The following HMGCLL1 variants were observed in gnomAD, a reference collection of about 807,000 sequenced individuals.
HMGCLL1 encodes 3-hydroxymethyl-3-methylglutaryl-CoA lyase, cytoplasmic.
HMGCLL1 carries 36 observed loss-of-function variants against 39.1 expected under a neutral mutation model. The observed-to-expected ratio is 0.92, with a 90% confidence interval of 0.71 to 1.22. The LOEUF (loss-of-function observed/expected upper bound fraction) is 1.22, where lower values mean the gene tolerates loss of function less well. Among genes scored for constraint, HMGCLL1 ranks in the 50% most tolerant of loss-of-function variants. HMGCLL1 has a pLI of 0.00. For synonymous variants in HMGCLL1, 149 were observed against 144.0 expected (o/e 1.03, Z -0.25); for missense variants, 451 against 416.5 (o/e 1.08, Z -0.72).
the HMGCLL1 span, among the ~76,000 whole-genome samples, chr6:55,670,913 C>T: frequency 6.6e-6 from 1 of 151,486 alleles, no homozygotes; most frequent in Non-Finnish European, 1.5e-5. Flanking sequence ...CATGACCCAA[C>T]CAAACTCACT....
intron 3 of HMGCLL1, among the ~76,000 whole-genome samples, chr6:55,518,210 A>C (rs918950739): frequency 1.1e-4 from 16 of 152,182 alleles, no homozygotes; most frequent in Middle Eastern, 3.4e-3. Context: ...TTAGTAGTAT[A>C]GTTGGGGAGA....
At chr6:55,480,159 AG>A (rs1765661361) in intron 7 of HMGCLL1, among the ~76,000 whole-genome samples, 1 of 151,640 alleles carries the variant, frequency 6.6e-6, no homozygotes, top group Admixed American at 6.6e-5. Context: ...CTGCTTAAAA[AG>A]CTTCTGCATA....
intron 5 of HMGCLL1, among the ~76,000 whole-genome samples, chr6:55,503,262 G>A (rs1039990672): frequency 4.0e-5 from 6 of 151,748 alleles, no homozygotes; most frequent in Non-Finnish European, 7.4e-5. Context: ...AAAATAGCTG[G>A]CATGGATCTC....
At chr6:55,440,459 C>T (rs1025633431) in intron 7 of HMGCLL1, among the ~76,000 whole-genome samples, 2 of 152,012 alleles carry the variant, frequency 1.3e-5, no homozygotes, top group African/African-American at 2.4e-5. Flanking sequence ...TGGAAGAGCT[C>T]TCTGTGTACC....
At chr6:55,547,817 T>C (rs1561954605) in intron 1 of HMGCLL1, among the ~76,000 whole-genome samples, 1 of 152,092 alleles carries the variant, frequency 6.6e-6, no homozygotes, top group Non-Finnish European at 1.5e-5. Context: ...TTCTGCTATT[T>C]ATTGCTTTTT....
At chr6:55,573,322 G>T (rs1561970815) in intron 1 of HMGCLL1, among the ~76,000 whole-genome samples, 1 of 152,050 alleles carries the variant, frequency 6.6e-6, no homozygotes, top group African/African-American at 2.4e-5. Flanking sequence ...TTCATACCAG[G>T]TGTCTAACAT....
rs560399736 is a variant in HMGCLL1, at chr6:55,482,018, A to C, written c.795+13401T>G. ...TGAACACACAAATTTCCTAAAAAAA[A>C]CAGTGCTTTTATTTCCACTTCTTCA... On this transcript the variant is annotated intron_variant, in intron 7 of 8. Transcript: ENST00000274901. Among the ~76,000 whole-genome samples, 4 of 152,250 alleles carry C rather than the reference A, an allele frequency of 2.6e-5. No homozygotes were observed. The East Asian group carries it at 7.7e-4, about 29-fold the overall frequency.
the HMGCLL1 span, among the ~76,000 whole-genome samples, chr6:55,609,788 G>C: frequency 1.3e-5 from 2 of 152,016 alleles, no homozygotes; most frequent in Non-Finnish European, 2.9e-5. Flanking sequence ...GCATCATGTC[G>C]GTGCCCCTTG....
At chr6:55,542,224 T>C in intron 1 of HMGCLL1, 84 bp from the exon 2 acceptor site, 1 of 758,256 alleles carries the variant, frequency 1.3e-6, no homozygotes, top group Non-Finnish European at 2.2e-6. Context: ...AACTGCACTT[T>C]GTTATACTCT....
intron 5 of HMGCLL1, among the ~76,000 whole-genome samples, chr6:55,508,363 T>G (rs1767271868): frequency 6.6e-6 from 1 of 151,838 alleles, no homozygotes; most frequent in Admixed American, 6.6e-5. Flanking sequence ...TTTGATTCAA[T>G]TTTGAATTAA....
rs1766533301 is a variant in HMGCLL1, at chr6:55,495,571, T to G, written c.643A>C (p.Ile215Leu). 1.2e-6 allele frequency: 2 copies of G among 1,612,914 alleles called. No individual in the cohort carries two copies. Among genetic ancestry groups the G allele is most frequent in the Non-Finnish European group, 1.7e-6 (2 of 1,179,438 alleles). ...ACTCCAATTGTGTCTCCTAGAGAGA[T>G]CTCATAACAACCCATGCCGTACAAT... ...KRLYGMGCYE[I>L]SLGDTIGVGT... is the part of the protein sequence containing the mutation. Residue 215 changes from isoleucine to leucine, a missense_variant, in exon 7 of 9, where the codon ATC (isoleucine) becomes CTC (leucine). By Grantham distance (5) the Ile-to-Leu change is conservative (BLOSUM62 2). Transcript: ENST00000274901.
chr6:55,551,205 A>G (rs1770311588), intron 1 of HMGCLL1, among the ~76,000 whole-genome samples: 1 of 151,936 alleles, frequency 6.6e-6, no homozygotes, highest in Admixed American at 6.6e-5. Context: ...GTAAAGAAGA[A>G]TACCAAAAAT....
intron 7 of HMGCLL1, among the ~76,000 whole-genome samples, chr6:55,456,684 T>G (rs2127392938): frequency 6.6e-6 from 1 of 152,290 alleles, no homozygotes; most frequent in South Asian, 2.1e-4. Context: ...CCATATTTTC[T>G]TTGTGTCCTC....
At chr6:55,510,925 C>G (rs191106458) in intron 5 of HMGCLL1, among the ~76,000 whole-genome samples, 1 of 151,604 alleles carries the variant, frequency 6.6e-6, no homozygotes, top group East Asian at 1.9e-4. Flanking sequence ...AATACTCTCA[C>G]AAAGAGTGAG....
At chr6:55,672,882 C>T in the HMGCLL1 span, among the ~76,000 whole-genome samples, 354 of 152,000 alleles carry the variant, frequency 2.3e-3, 1 homozygote, top group African/African-American at 7.4e-3. Flanking sequence ...GTGCATGTTA[C>T]GCATTCACAT....
the HMGCLL1 span, among the ~76,000 whole-genome samples, chr6:55,588,747 A>C: frequency 6.6e-6 from 1 of 152,210 alleles, no homozygotes; most frequent in African/African-American, 2.4e-5. Context: ...CCACAGAGAT[A>C]CAAACTACCA....
intron 7 of HMGCLL1, among the ~76,000 whole-genome samples, chr6:55,481,009 G>A (rs1292918722): frequency 1.3e-5 from 2 of 151,948 alleles, no homozygotes; most frequent in African/African-American, 4.8e-5. Context: ...GAGTGGGAAT[G>A]GTTAATGGGT....
chr6:55,664,583 GCTAT>G, the HMGCLL1 span, among the ~76,000 whole-genome samples: 1 of 151,612 alleles, frequency 6.6e-6, no homozygotes, highest in Non-Finnish European at 1.5e-5. Flanking sequence ...TTTTGATTTA[GCTAT>G]CTATTACTTT....
At chr6:55,627,467 A>G in the HMGCLL1 span, among the ~76,000 whole-genome samples, 3 of 151,854 alleles carry the variant, frequency 2.0e-5, no homozygotes, top group Non-Finnish European at 4.4e-5. Flanking sequence ...ATCTCAGGAG[A>G]TGTGTATGGG....
Sources: allele counts gnomAD v4.1 joint callset (sites outside exome capture counted in the v4.1 genomes callset), GRCh38; gene constraint gnomAD v4.1.1; transcripts MANE v1.5; gene names NCBI Gene and HGNC (gene_info 2026-07-23, HGNC 2026-07-21).